Variants in FGF14 observed in about 807,000 individuals in gnomAD.
The protein encoded by FGF14 is fibroblast growth factor 14.
Under a neutral mutation model 25.5 loss-of-function variants are expected in FGF14, and 5 were observed. The ratio of observed to expected loss-of-function variants is 0.20; its 90% confidence interval spans 0.10 to 0.41. The LOEUF is 0.41. FGF14 is among the 10% of genes least tolerant of loss of function. The probability of loss-of-function intolerance (pLI) is 1.00; values close to 1 mark genes in which losing one functional copy is unlikely to be tolerated. For synonymous variants in FGF14, 138 were observed against 118.3 expected, an observed-to-expected ratio of 1.17 and a Z score of -1.08; for missense variants, 222 against 320.1, an observed-to-expected ratio of 0.69 and a Z score of 2.34.
At chr13:101,802,260 A>G in intron 3 of FGF14, 1 of 241,066 alleles carries the variant, frequency 4.1e-6, no homozygotes, top group South Asian at 5.4e-5. Context: ...CTTAAGTGAC[A>G]GGACAAAGCA....
chr13:101,838,017 T>C (rs1331754614), intron 3 of FGF14, among the ~76,000 whole-genome samples: 1 of 152,006 alleles, frequency 6.6e-6, no homozygotes, highest in Non-Finnish European at 1.5e-5. Context: ...GGATGCTTCC[T>C]GCCCTAGAAT....
intron 1 of FGF14, among the ~76,000 whole-genome samples, chr13:102,140,087 T>C (rs2046585703): frequency 7.4e-6 from 1 of 134,804 alleles, no homozygotes; most frequent in African/African-American, 2.7e-5. Flanking sequence ...TGTTTGGTGC[T>C]TTGGTGGAAA....
intron 1 of FGF14, among the ~76,000 whole-genome samples, chr13:102,347,271 A>G (rs754314384): frequency 3.9e-5 from 6 of 152,198 alleles, no homozygotes; most frequent in Non-Finnish European, 5.9e-5. Flanking sequence ...TCAAGAGACA[A>G]TCACTGCCCT....
Position 101,715,999 on chromosome 13 carries a change from C to T in FGF14, c.*6832G>A, listed in dbSNP as rs1184958989. ...GCTGCAGACATTTGGTGGGTAGAGG[C>T]CAGGGATGCTGCTGAGCATCCCGCA... On this transcript the variant is annotated 3_prime_UTR_variant, in exon 5 of 5. Transcript: ENST00000376143. 3.9e-6 allele frequency: 1 copy of T among 256,276 alleles called. No individual in the cohort carries two copies. The highest frequency in any genetic ancestry group is 5.1e-5 in the Admixed American group (1 of 19,794). 15.9% of individuals were successfully genotyped at this position (256,276 alleles called of 1,614,324 possible). A position where few individuals can be genotyped will look rare whatever the true frequency, so the allele number is the denominator to read the frequency against.
At chr13:101,955,578 T>C (rs1038851088) in intron 1 of FGF14, among the ~76,000 whole-genome samples, 4 of 152,220 alleles carry the variant, frequency 2.6e-5, no homozygotes, top group African/African-American at 7.2e-5. Context: ...GTCAAAGTTA[T>C]AGATGACAGC....
At chr13:102,218,582 G>A (rs963704642) in intron 1 of FGF14, among the ~76,000 whole-genome samples, 2 of 151,496 alleles carry the variant, frequency 1.3e-5, no homozygotes, top group Non-Finnish European at 2.9e-5. Flanking sequence ...TCAATGATGG[G>A]GTTCCCATCA....
intron 1 of FGF14, among the ~76,000 whole-genome samples, chr13:102,124,514 G>A (rs1484838791): frequency 6.6e-6 from 1 of 151,958 alleles, no homozygotes; most frequent in Non-Finnish European, 1.5e-5. Context: ...GAAGGTTTTG[G>A]TATTCACTAA....
chr13:101,997,656 G>A lies in FGF14; in HGVS notation c.209-122360C>T, dbSNP rs140392317. Among the ~76,000 whole-genome samples the A allele has an allele frequency of 3.1e-3, 467 of 152,194 alleles. 1 individual carries two copies. The highest frequency in any genetic ancestry group is 4.9e-3 in the Non-Finnish European group (331 of 68,006). Reference sequence around the variant, plus strand: ...CAGGTGATAGAGATGTTGCTAGTCCGGGGAGCACACTGAAAACCACTGCAT... The same window carrying A: ...CAGGTGATAGAGATGTTGCTAGTCCAGGGAGCACACTGAAAACCACTGCAT... On this transcript the variant is annotated intron_variant, in intron 1 of 4. Transcript: ENST00000376131.
At chr13:101,857,860 A>T (rs1041126245) in intron 3 of FGF14, among the ~76,000 whole-genome samples, 2 of 151,984 alleles carry the variant, frequency 1.3e-5, no homozygotes, top group African/African-American at 4.8e-5. Context: ...ACTATATAAA[A>T]TCCATAGAAA....
intron 1 of FGF14, among the ~76,000 whole-genome samples, chr13:102,048,123 T>C (rs1267919639): frequency 1.3e-5 from 2 of 152,170 alleles, no homozygotes; most frequent in Non-Finnish European, 2.9e-5. Context: ...TTGCTCCAAG[T>C]TTCTATGACT....
At chr13:101,801,489 T>C (rs556063094) in intron 3 of FGF14, among the ~76,000 whole-genome samples, 1 of 152,286 alleles carries the variant, frequency 6.6e-6, no homozygotes, top group Admixed American at 6.5e-5. Flanking sequence ...AGCTGTGCTC[T>C]AATAAAACTT....
intron 3 of FGF14, among the ~76,000 whole-genome samples, chr13:101,830,553 C>T (rs967617659): frequency 6.6e-6 from 1 of 152,052 alleles, no homozygotes; most frequent in East Asian, 1.9e-4. Flanking sequence ...AGGCGAATTT[C>T]GTGTATTTGA....
chr13:101,741,834 C>A (rs2036578779), intron 3 of FGF14, among the ~76,000 whole-genome samples: 2 of 152,254 alleles, frequency 1.3e-5, no homozygotes, highest in South Asian at 2.1e-4. Flanking sequence ...AAAAGGTGGG[C>A]CCCCTAAGGA....
intron 1 of FGF14, among the ~76,000 whole-genome samples, chr13:102,158,635 C>T (rs1398723382): frequency 1.3e-5 from 2 of 151,716 alleles, no homozygotes; most frequent in South Asian, 4.2e-4. Context: ...CAGACCTGCA[C>T]ATTGTGCACA....
At chr13:101,919,020 C>T (rs998607168), upstream of FGF14, among the ~76,000 whole-genome samples, 5 of 152,164 alleles carry the variant, frequency 3.3e-5, no homozygotes, top group African/African-American at 1.2e-4. Flanking sequence ...TCTCTATTTT[C>T]AGTTTCATAT....
intron 1 of FGF14, among the ~76,000 whole-genome samples, chr13:102,161,765 C>G (rs2047783924): frequency 6.6e-6 from 1 of 150,518 alleles, no homozygotes; most frequent in Non-Finnish European, 1.5e-5. Flanking sequence ...AGACTAAGCT[C>G]TATGTGGGCA....
chr13:102,147,016 T>C (rs552742164), intron 1 of FGF14, among the ~76,000 whole-genome samples: 1 of 152,356 alleles, frequency 6.6e-6, no homozygotes, highest in African/African-American at 2.4e-5. Context: ...GTGATGCTCA[T>C]TGATGGAAGC....
chr13:102,038,125 TG>T (rs2041563203), intron 1 of FGF14, among the ~76,000 whole-genome samples: 1 of 152,186 alleles, frequency 6.6e-6, no homozygotes, highest in African/African-American at 2.4e-5. Context: ...TTGCATGAAA[TG>T]CTTTATTACC....
rs199719968 is a variant in FGF14, at chr13:101,726,840, A to G, written c.409-30T>C. On this transcript the variant is annotated intron_variant, in intron 3 of 4. Coordinates refer to ENST00000376143, the MANE Select transcript of FGF14 (RefSeq NM_004115.4). ...GGAGAGAAAATGAAACAAAAGTTAG[A>G]GGAAGGAACTTGATCTTCACTGTAC... is the stretch of plus-strand genomic sequence containing the variant. 296 of 1,511,574 alleles carry G rather than the reference A, an allele frequency of 2.0e-4. No homozygotes were observed. The African/African-American group carries it at 3.7e-3, about 19-fold the overall frequency. The allele number at this position is 1,511,574 out of a possible 1,614,324, so 93.6% of individuals were successfully genotyped here. A position where few individuals can be genotyped will look rare whatever the true frequency, so the allele number is the denominator to read the frequency against.
Sources: allele counts gnomAD v4.1 joint callset (sites outside exome capture counted in the v4.1 genomes callset), GRCh38; gene constraint gnomAD v4.1.1; transcripts MANE v1.5; gene names NCBI Gene and HGNC (gene_info 2026-07-23, HGNC 2026-07-21).